The following OCA2 variants were observed in gnomAD, a reference collection of about 807,000 sequenced individuals.
The protein encoded by OCA2 is P protein.
A neutral mutation model predicts 100.2 loss-of-function variants in OCA2; 77 were observed. The ratio of observed to expected loss-of-function variants is 0.77; its 90% CI spans 0.64 to 0.93. OCA2 has a LOEUF of 0.93. Among genes scored for constraint, OCA2 ranks in the 40% least tolerant of loss-of-function variants. The pLI is 0.00. For synonymous variants in OCA2, 432 were observed against 439.2 expected (o/e 0.98, Z 0.21); for missense variants, 1,062 against 1,089.1 (o/e 0.98, Z 0.35).
At chr15:27,937,400 T>C (rs201289895) in intron 18 of OCA2, among the ~76,000 whole-genome samples, 2 of 152,332 alleles carry the variant, frequency 1.3e-5, no homozygotes, top group East Asian at 3.9e-4. Context: ...AATGTACATA[T>C]TTTTGTTGGG....
intron 19 of OCA2, among the ~76,000 whole-genome samples, chr15:27,913,307 A>T (rs2038468397): frequency 6.6e-6 from 1 of 152,016 alleles, no homozygotes; most frequent in African/African-American, 2.4e-5. Flanking sequence ...CTTTTTTACG[A>T]TATTTATGTA....
intron 2 of OCA2, among the ~76,000 whole-genome samples, chr15:28,048,537 T>C (rs866073791): frequency 8.6e-5 from 13 of 151,998 alleles, no homozygotes; most frequent in South Asian, 6.2e-4. Context: ...TATAAAACAA[T>C]TGACTCAAAA....
intron 19 of OCA2, among the ~76,000 whole-genome samples, chr15:27,906,089 G>C (rs1030538501): frequency 3.9e-5 from 6 of 152,172 alleles, no homozygotes; most frequent in Admixed American, 1.3e-4. Flanking sequence ...TTAGTTAGAA[G>C]TAATAAGTTC....
the OCA2 span, among the ~76,000 whole-genome samples, chr15:27,737,717 A>G: frequency 1.3e-5 from 2 of 152,234 alleles, no homozygotes. Flanking sequence ...AAAAAGCACT[A>G]ATCATAAGAA....
At chr15:27,921,768 G>A (rs1479872017) in intron 19 of OCA2, among the ~76,000 whole-genome samples, 2 of 152,076 alleles carry the variant, frequency 1.3e-5, no homozygotes, top group African/African-American at 4.8e-5. Flanking sequence ...TGGCACAATC[G>A]TGGCTCACTG....
At chr15:27,872,808 G>A (rs1256792642) in intron 19 of OCA2, among the ~76,000 whole-genome samples, 1 of 151,620 alleles carries the variant, frequency 6.6e-6, no homozygotes, top group African/African-American at 2.4e-5. Context: ...TCCTGCCTCA[G>A]CCTCCCAAGT....
intron 19 of OCA2, among the ~76,000 whole-genome samples, chr15:27,874,890 T>C (rs2036724388): frequency 6.6e-6 from 1 of 152,086 alleles, no homozygotes; most frequent in African/African-American, 2.4e-5. Flanking sequence ...TAAAATAATT[T>C]TGAATAAATA....
intron 23 of OCA2, among the ~76,000 whole-genome samples, chr15:27,842,082 AC>A (rs2035362149): frequency 6.6e-6 from 1 of 152,268 alleles, no homozygotes; most frequent in African/African-American, 2.4e-5. Context: ...ATAACAAGAA[AC>A]AGCAAGCAAC....
In OCA2 at chr15:27,768,720, A is replaced by G. The variant is rs919325797; in HGVS notation, c.2433-13248T>C. ...GTTTTTTAGGGTTGACATTAGTTAG[A>G]GTCAAGAAGAGACCAGTGATAACCC... On this transcript the variant is annotated intron_variant, in intron 23 of 23. Transcript: ENST00000354638. 3.3e-5 allele frequency among the ~76,000 whole-genome samples: 5 copies of G among 152,196 alleles called. 1 individual carries two copies. Among genetic ancestry groups the G allele is most frequent in the African/African-American group, 1.2e-4 (5 of 41,452 alleles).
chr15:28,003,860 G>A (rs2042005576), intron 9 of OCA2, among the ~76,000 whole-genome samples: 1 of 152,196 alleles, frequency 6.6e-6, no homozygotes, highest in African/African-American at 2.4e-5. Flanking sequence ...ACCCGCCCGC[G>A]CCGCCTGCTC....
chr15:27,938,895 T>C (rs1042504616), intron 18 of OCA2, among the ~76,000 whole-genome samples: 1 of 152,168 alleles, frequency 6.6e-6, no homozygotes, highest in African/African-American at 2.4e-5. Context: ...CCCCGAGGAC[T>C]GCACAGGCTC....
At chr15:27,793,493 G>A (rs773123683) in intron 23 of OCA2, among the ~76,000 whole-genome samples, 1 of 152,018 alleles carries the variant, frequency 6.6e-6, no homozygotes, top group Admixed American at 6.6e-5. Context: ...AAAGAAAAAT[G>A]GTGATTCTTC....
intron 1 of OCA2, among the ~76,000 whole-genome samples, chr15:28,095,054 G>T (rs1377662353): frequency 6.6e-6 from 1 of 152,264 alleles, no homozygotes; most frequent in South Asian, 2.1e-4. Context: ...TGAATGAGCA[G>T]CAGCCAAGAG....
intron 1 of OCA2, among the ~76,000 whole-genome samples, chr15:28,096,230 T>C (rs914819282): frequency 2.1e-5 from 3 of 145,300 alleles, no homozygotes. Flanking sequence ...GGGGCGTGGT[T>C]GTGTCTCCTG....
intron 21 of OCA2, among the ~76,000 whole-genome samples, chr15:27,851,818 T>C (rs2035763247): frequency 6.6e-6 from 1 of 152,160 alleles, no homozygotes; most frequent in Non-Finnish European, 1.5e-5. Context: ...CTGTGCTAAC[T>C]ATGCACACGT....
chr15:27,805,449 G>C (rs955506294), intron 23 of OCA2, among the ~76,000 whole-genome samples: 10 of 152,212 alleles, frequency 6.6e-5, no homozygotes, highest in African/African-American at 2.2e-4. Context: ...CACACCGCGG[G>C]GACCCGGTGT....
chr15:28,066,797 C>T (rs140353640), intron 2 of OCA2, among the ~76,000 whole-genome samples: 19 of 152,244 alleles, frequency 1.2e-4, no homozygotes, highest in African/African-American at 4.6e-4. Context: ...AAGGTGGCCA[C>T]CTATGAGATT....
At position 27,986,630 on chromosome 15, in the gene OCA2, GCTA is replaced by G; in HGVS notation, c.1193_1195del (p.Val398del). 4 of 1,591,522 alleles carry G rather than the reference GCTA, an allele frequency of 2.5e-6. No individual in the cohort carries two copies. Among genetic ancestry groups the G allele is most frequent in the Non-Finnish European group, 3.5e-6 (4 of 1,159,212 alleles). ...GAAAAATCCCGTTTCTGAAAATATG[GCTA>G]CTAAGATCATCTATGGGGAAAAGAA... is the stretch of plus-strand genomic sequence containing the variant. On this transcript the variant is annotated inframe_deletion, in exon 12 of 24. Coordinates refer to ENST00000354638, the MANE Select transcript of OCA2 (RefSeq NM_000275.3).
intron 23 of OCA2, among the ~76,000 whole-genome samples, chr15:27,807,053 C>T (rs566773847): frequency 1.3e-5 from 2 of 150,008 alleles, no homozygotes; most frequent in South Asian, 4.3e-4. Context: ...GGCCCTGCCT[C>T]CCCTGTCTAC....
Sources: gnomAD v4.1 joint callset for allele counts (sites outside exome capture counted in the v4.1 genomes callset) on GRCh38, gnomAD v4.1.1 for gene constraint, MANE v1.5 for transcripts, NCBI Gene and HGNC (gene_info 2026-07-23, HGNC 2026-07-21) for gene names.